GALNTL6: variants seen among roughly 807,000 people sequenced by gnomAD.
GALNTL6 encodes the protein polypeptide N-acetylgalactosaminyltransferase-like 6.
GALNTL6 carries 46 observed loss-of-function variants against 73.7 expected under a neutral mutation model. The ratio of observed to expected loss-of-function variants is 0.62; its 90% CI spans 0.49 to 0.80. The LOEUF is 0.80. Ranked by LOEUF, GALNTL6 falls within the 30% of genes least tolerant of loss-of-function variation. GALNTL6 has a pLI of 0.00. For synonymous variants in GALNTL6, 259 were observed against 263.7 expected, an observed-to-expected ratio of 0.98 and a Z score of 0.17; for missense variants, 604 against 755.0, an observed-to-expected ratio of 0.80 and a Z score of 2.34.
rs1740510419 is a variant in GALNTL6, at chr4:172,652,283, G to A, written c.554-157078G>A. Among the ~76,000 whole-genome samples the A allele has an allele frequency of 1.3e-5, 2 of 152,210 alleles. 1 individual carries two copies. Among genetic ancestry groups the A allele is most frequent in the South Asian group, 4.1e-4 (2 of 4,828 alleles). On this transcript the variant is annotated intron_variant, in intron 5 of 12. Transcript: ENST00000506823. The stretch of plus-strand genomic sequence containing the variant: ...CATTTTTTTTCCTCAAAAAAGAACA[G>A]GGTGATTTAAAAGTAAAATAGAGAA...
chr4:172,783,847 G>T (rs1369125372), intron 5 of GALNTL6, among the ~76,000 whole-genome samples: 1 of 152,026 alleles, frequency 6.6e-6, no homozygotes, highest in African/African-American at 2.4e-5. Flanking sequence ...GTAGCCCTAA[G>T]TATTTACTTA....
intron 2 of GALNTL6, among the ~76,000 whole-genome samples, chr4:171,877,087 A>G (rs1736300906): frequency 6.6e-6 from 1 of 152,112 alleles, no homozygotes; most frequent in Non-Finnish European, 1.5e-5. Context: ...TAGACCCAAG[A>G]TGGAGCTGTC....
chr4:172,545,144 G>T (rs969311793), intron 5 of GALNTL6, among the ~76,000 whole-genome samples: 6 of 152,004 alleles, frequency 3.9e-5, no homozygotes, highest in African/African-American at 1.5e-4. Flanking sequence ...AATAATTTTA[G>T]TTCTAAGAAA....
intron 2 of GALNTL6, among the ~76,000 whole-genome samples, chr4:171,847,480 G>A (rs1735404940): frequency 6.6e-6 from 1 of 152,116 alleles, no homozygotes; most frequent in South Asian, 2.1e-4. Context: ...AATGAAATTT[G>A]CTGCATTGAT....
At chr4:172,924,313 G>A (rs1376786993) in intron 8 of GALNTL6, among the ~76,000 whole-genome samples, 2 of 152,096 alleles carry the variant, frequency 1.3e-5, no homozygotes, top group Non-Finnish European at 2.9e-5. Context: ...GACTATAAAC[G>A]ACTGAGGATT....
chr4:172,485,059 A>C (rs1733620882), intron 5 of GALNTL6, among the ~76,000 whole-genome samples: 1 of 152,202 alleles, frequency 6.6e-6, no homozygotes, highest in Admixed American at 6.5e-5. Context: ...TAAAATAAGT[A>C]GATTGTAACA....
At chr4:173,005,824 C>T (rs1470506213) in intron 10 of GALNTL6, among the ~76,000 whole-genome samples, 1 of 152,178 alleles carries the variant, frequency 6.6e-6, no homozygotes, top group Non-Finnish European at 1.5e-5. Flanking sequence ...CAGATGTAGA[C>T]AATTATGCCT....
At chr4:173,036,644 A>G (rs113089543) in intron 12 of GALNTL6, among the ~76,000 whole-genome samples, 1 of 152,374 alleles carries the variant, frequency 6.6e-6, no homozygotes, top group African/African-American at 2.4e-5. Flanking sequence ...GTAGGCATCC[A>G]GGAAAAGTGG....
At chr4:172,508,689 G>C (rs1165048866) in intron 5 of GALNTL6, among the ~76,000 whole-genome samples, 1 of 53,276 alleles carries the variant, frequency 1.9e-5, no homozygotes, top group African/African-American at 4.7e-5. Flanking sequence ...ACTTCACTTA[G>C]AATAATGGTT....
At chr4:172,631,587 G>T (rs1739398781) in intron 5 of GALNTL6, among the ~76,000 whole-genome samples, 2 of 152,190 alleles carry the variant, frequency 1.3e-5, no homozygotes, top group South Asian at 4.2e-4. Context: ...TATTCAACCT[G>T]CTAAGAACAA....
chr4:172,382,773 A>G (rs552684969), intron 5 of GALNTL6, among the ~76,000 whole-genome samples: 7 of 152,092 alleles, frequency 4.6e-5, no homozygotes, highest in African/African-American at 1.7e-4. Flanking sequence ...ATTTTTGCCT[A>G]TTGTGTGAAA....
intron 5 of GALNTL6, among the ~76,000 whole-genome samples, chr4:172,435,160 A>G (rs555510472): frequency 6.6e-5 from 10 of 152,216 alleles, no homozygotes; most frequent in Admixed American, 4.6e-4. Context: ...TACCTCTGCT[A>G]TATCTCCACT....
At chr4:172,937,235 A>G (rs938729800) in intron 9 of GALNTL6, among the ~76,000 whole-genome samples, 7 of 152,176 alleles carry the variant, frequency 4.6e-5, no homozygotes, top group African/African-American at 1.7e-4. Context: ...TAAAATGGAG[A>G]AAGTCTAAAG....
chr4:172,118,761 G>T (rs1228895936), intron 2 of GALNTL6, among the ~76,000 whole-genome samples: 1 of 148,594 alleles, frequency 6.7e-6, no homozygotes, highest in Non-Finnish European at 1.5e-5. Context: ...AGGAATAAAA[G>T]AAAAAAAAGA....
At chr4:172,829,857 G>T (rs1742525139) in intron 7 of GALNTL6, among the ~76,000 whole-genome samples, 1 of 152,122 alleles carries the variant, frequency 6.6e-6, no homozygotes, top group African/African-American at 2.4e-5. Flanking sequence ...AGAAGATATG[G>T]ATAATTTTAA....
At chr4:172,583,992 C>G (rs937047743) in intron 5 of GALNTL6, among the ~76,000 whole-genome samples, 1 of 150,528 alleles carries the variant, frequency 6.6e-6, no homozygotes, top group African/African-American at 2.4e-5. Context: ...AATTCATTCA[C>G]TCAACCATTC....
chr4:172,395,091 A>C (rs994370364), intron 5 of GALNTL6, among the ~76,000 whole-genome samples: 2 of 152,160 alleles, frequency 1.3e-5, no homozygotes, highest in Non-Finnish European at 2.9e-5. Context: ...CAAATTATAA[A>C]TTGACAGGCT....
chr4:172,977,748 G>A (rs1579734625), intron 10 of GALNTL6, among the ~76,000 whole-genome samples: 1 of 152,116 alleles, frequency 6.6e-6, no homozygotes, highest in Non-Finnish European at 1.5e-5. Flanking sequence ...AGCATGTTCT[G>A]GGTGGTCCTC....
chr4:171,902,720 G>A (rs992144145), intron 2 of GALNTL6, among the ~76,000 whole-genome samples: 1 of 152,164 alleles, frequency 6.6e-6, no homozygotes, highest in Non-Finnish European at 1.5e-5. Context: ...TTTCTCTCTT[G>A]TAGGACTTCT....
Sources: allele counts gnomAD v4.1 joint callset (sites outside exome capture counted in the v4.1 genomes callset), GRCh38; gene constraint gnomAD v4.1.1; transcripts MANE v1.5; gene names NCBI Gene and HGNC (gene_info 2026-07-23, HGNC 2026-07-21).